Variants in MAML1 observed in about 807,000 individuals in gnomAD.
MAML1 encodes the protein mastermind-like protein 1.
Under a neutral mutation model 77.1 loss-of-function variants are expected in MAML1, and 14 were observed. The observed-to-expected ratio is 0.18, with a 90% CI of 0.12 to 0.28. The LOEUF is 0.28. MAML1 is among the 10% of genes least tolerant of loss of function. The probability of loss-of-function intolerance (pLI) is 1.00; values close to 1 mark genes in which losing one functional copy is unlikely to be tolerated. For missense variants in MAML1, 1,217 were observed against 1,327.8 expected (o/e 0.92, Z 1.30); for synonymous variants, 516 against 551.9 (o/e 0.93, Z 0.91).
At chr5:179,741,644 A>G (rs1779286295) in intron 1 of MAML1, among the ~76,000 whole-genome samples, 1 of 148,988 alleles carries the variant, frequency 6.7e-6, no homozygotes, top group African/African-American at 2.5e-5. Context: ...TGAGATTGTG[A>G]CATCGTACTA....
intron 1 of MAML1, among the ~76,000 whole-genome samples, chr5:179,738,831 A>C (rs895789091): frequency 6.7e-6 from 1 of 150,286 alleles, no homozygotes; most frequent in African/African-American, 2.5e-5. Context: ...CCTAGGCTGG[A>C]GTGCAGTGGC....
At position 179,771,198 on chromosome 5, in the gene MAML1, G is replaced by C; in HGVS notation, c.2023G>C (p.Asp675His). Residue 675 changes from aspartate to histidine, a missense_variant, in exon 4 of 5, where the codon GAC becomes CAC. Asp to His is a moderately conservative substitution (Grantham distance 81). Around this residue, in one of 3 missense-constraint regions of MAML1, gnomAD observed 884 missense variants for 949.3 expected, o/e 0.93. Transcript: ENST00000292599. The surrounding 1 kb of genome is among the most constrained non-coding windows in gnomAD (Gnocchi z 4.7). ...GACCCGCCCACCACCCCAGTACCAA[G>C]ACCCGACACAAGGCAGCTTCCCACA... ...HLTRPPPQYQ[D>H]PTQGSFPQQV... The C allele has an allele frequency of 6.2e-7, 1 of 1,614,124 alleles. No homozygotes were observed. Among genetic ancestry groups the C allele is most frequent in the Non-Finnish European group, 8.5e-7 (1 of 1,179,990 alleles).
intron 1 of MAML1, among the ~76,000 whole-genome samples, chr5:179,738,120 C>T (rs984055008): frequency 2.6e-5 from 4 of 152,094 alleles, no homozygotes; most frequent in African/African-American, 9.7e-5. Flanking sequence ...AAGTTTGGTA[C>T]AAAGAACATC....
chr5:179,753,661 T>TA (rs1562560533), intron 1 of MAML1, among the ~76,000 whole-genome samples: 15 of 135,816 alleles, frequency 1.1e-4, no homozygotes, highest in African/African-American at 4.1e-4. Context: ...ATTATTTTTT[T>TA]TTTTTTTTTT....
intron 1 of MAML1, among the ~76,000 whole-genome samples, chr5:179,749,527 G>C (rs114049810): frequency 0.037 from 5,623 of 152,194 alleles, 129 homozygotes; most frequent in African/African-American, 0.053. Context: ...TCCCAAAGTG[G>C]TGGGATTACA....
chr5:179,753,930 C>T (rs1288943860), intron 1 of MAML1, among the ~76,000 whole-genome samples: 1 of 151,704 alleles, frequency 6.6e-6, no homozygotes, highest in Non-Finnish European at 1.5e-5. Context: ...CCTCGGCCTC[C>T]CAAAGTGCTG....
chr5:179,767,185 G>A (rs1043594346), intron 2 of MAML1, among the ~76,000 whole-genome samples: 1 of 140,564 alleles, frequency 7.1e-6, no homozygotes, highest in Admixed American at 7.7e-5. Context: ...TTGTAGGCAT[G>A]TGCTGCTTCC....
chr5:179,748,539 A>C (rs1172368705), intron 1 of MAML1, among the ~76,000 whole-genome samples: 6 of 152,248 alleles, frequency 3.9e-5, no homozygotes, highest in Admixed American at 3.9e-4. Context: ...AAGGCATATC[A>C]ATAAAATTTA....
Position 179,773,948 on chromosome 5 carries a change from T to C in MAML1, c.2122T>C (p.Cys708Arg), listed in dbSNP as rs566832776. ...MNTLGPSNSS[C>R]PRVFPQAGNL... is the part of the protein sequence containing the mutation. The stretch of plus-strand genomic sequence containing the variant: ...CACCTTGGGTCCATCCAACTCCAGC[T>C]GTCCTCGAGTGTTCCCTCAGGCTGG... Residue 708 changes from cysteine to arginine, a missense_variant, in exon 5 of 5, where the codon TGT becomes CGT. Transcript: ENST00000292599. 62 of 1,614,242 alleles carry C rather than the reference T, an allele frequency of 3.8e-5. No individual in the cohort carries two copies. Among genetic ancestry groups the C allele is most frequent in the Admixed American group, 1.7e-5 (1 of 60,032 alleles).
chr5:179,751,166 T>G (rs1779481283), intron 1 of MAML1, among the ~76,000 whole-genome samples: 1 of 151,792 alleles, frequency 6.6e-6, no homozygotes, highest in Non-Finnish European at 1.5e-5. Flanking sequence ...AGAGACAGGG[T>G]TTCACCATAT....
rs1056297399 is a variant in MAML1, at chr5:179,733,069, C to G, written c.-44C>G. The stretch of plus-strand genomic sequence containing the variant: ...GCGAAGCCCGCAGTGCCAGCCGGCC[C>G]CGAGAGGCCCGGCCCCGGGCCCGGC... On this transcript the variant is annotated 5_prime_UTR_variant, in exon 1 of 5. Transcript: ENST00000292599. 4.1e-6 allele frequency: 5 copies of G among 1,216,428 alleles called. No homozygotes were observed. Among genetic ancestry groups the G allele is most frequent in the Non-Finnish European group, 5.2e-6 (5 of 966,510 alleles). The allele number at this position is 1,216,428 out of a possible 1,614,324, so 75.4% of individuals were successfully genotyped here.
intron 1 of MAML1, among the ~76,000 whole-genome samples, chr5:179,742,826 A>G (rs1779308161): frequency 6.6e-6 from 1 of 152,098 alleles, no homozygotes; most frequent in Non-Finnish European, 1.5e-5. Context: ...AAGAAAGAAC[A>G]TTTCAAATCT....
rs372124056 is a variant in MAML1, at chr5:179,753,651, A to ATTTT, written c.316-11673_316-11672insTTTT. Reference sequence around the variant, plus strand: ...CTGTTTGGGTTGTTTTATTATTATTATTATTTTTTTTTTTTTTTTTTTTTT... The same window carrying ATTTT: ...CTGTTTGGGTTGTTTTATTATTATTATTTTTTATTTTTTTTTTTTTTTTTTTTTT... On this transcript the variant is annotated intron_variant, in intron 1 of 4. Coordinates refer to ENST00000292599, the MANE Select transcript of MAML1 (RefSeq NM_014757.5). 3.8e-3 allele frequency among the ~76,000 whole-genome samples: 249 copies of ATTTT among 66,190 alleles called. 7 individuals carry two copies. Among genetic ancestry groups the ATTTT allele is most frequent in the South Asian group, 0.012 (22 of 1,888 alleles). 43.4% of individuals were successfully genotyped at this position (66,190 alleles called of 152,430 possible).
Position 179,769,640 on chromosome 5 carries a change from C to G in MAML1, c.1971+551C>G, listed in dbSNP as rs1424977940. Among the ~76,000 whole-genome samples the G allele has an allele frequency of 1.3e-5, 2 of 152,056 alleles. No homozygotes were observed. Among genetic ancestry groups the G allele is most frequent in the Admixed American group, 6.5e-5 (1 of 15,284 alleles). The stretch of plus-strand genomic sequence containing the variant: ...CGATCTTGGCTCACTGCAGCCTCCA[C>G]CTCATGGGTTCATGCAATTCTCCTG... On this transcript the variant is annotated intron_variant, in intron 3 of 4. Transcript: ENST00000292599. This position sits in a 1 kb window ranked among gnomAD's most constrained non-coding sequence, Gnocchi z 4.2.
At chr5:179,756,224 G>A (rs908312814) in intron 1 of MAML1, among the ~76,000 whole-genome samples, 1 of 151,326 alleles carries the variant, frequency 6.6e-6, no homozygotes, top group Non-Finnish European at 1.5e-5. Flanking sequence ...AGGAGATGGA[G>A]ACCATCCTGG....
At chr5:179,737,351 A>T (rs143008909) in intron 1 of MAML1, among the ~76,000 whole-genome samples, 1 of 152,208 alleles carries the variant, frequency 6.6e-6, no homozygotes, top group Non-Finnish European at 1.5e-5. Context: ...TCGGAACAGA[A>T]GATAAGTATC....
Position 179,774,727 on chromosome 5 carries a change from C to T in MAML1, c.2901C>T (p.Gly967=). ...AGGCCTACCCTGTGCGGACCGCGGG[C>T]CAGGAGCTGCCTTTTGCCTATAGCG... ...CTQAYPVRTA[G]QELPFAYSGQ... Residue 967 remains glycine, a synonymous_variant, in exon 5 of 5, where the codon GGC becomes GGT. Transcript: ENST00000292599. The T allele has an allele frequency of 1.2e-6, 2 of 1,611,644 alleles. No individual in the cohort carries two copies. Among genetic ancestry groups the T allele is most frequent in the Non-Finnish European group, 1.7e-6 (2 of 1,180,006 alleles).
chr5:179,733,519 C>G (rs1779110993), intron 1 of MAML1, 92 bp downstream of exon 1: 2 of 955,192 alleles, frequency 2.1e-6, no homozygotes, highest in Non-Finnish European at 2.5e-6. Flanking sequence ...TGGGAGACTT[C>G]CCCAGGCGTC....
intron 1 of MAML1, among the ~76,000 whole-genome samples, chr5:179,762,454 G>T (rs1002504353): frequency 6.6e-6 from 1 of 152,058 alleles, no homozygotes; most frequent in Non-Finnish European, 1.5e-5. Flanking sequence ...TTGGTGGAAG[G>T]CTGAGCACAC....
Sources: allele counts gnomAD v4.1 joint callset (sites outside exome capture counted in the v4.1 genomes callset), GRCh38; gene constraint gnomAD v4.1.1; regional missense constraint gnomAD v4.1.1; non-coding constraint Gnocchi (gnomAD v3.1); transcripts MANE v1.5; gene names NCBI Gene and HGNC (gene_info 2026-07-23, HGNC 2026-07-21).